Variants in NKAIN2 observed in about 807,000 individuals in gnomAD.
NKAIN2 encodes sodium/potassium-transporting ATPase subunit beta-1-interacting protein 2.
A neutral mutation model predicts 32.6 loss-of-function variants in NKAIN2; 14 were observed. The observed-to-expected ratio is 0.43, with a 90% CI of 0.28 to 0.67. NKAIN2 has a LOEUF of 0.67. Ranked by LOEUF, NKAIN2 falls within the 30% of genes least tolerant of loss-of-function variation. The pLI, the probability that NKAIN2 is intolerant of heterozygous loss-of-function variation, is 0.17. For synonymous variants in NKAIN2, 80 were observed against 87.2 expected (o/e 0.92, Z 0.46); for missense variants, 198 against 258.3 (o/e 0.77, Z 1.60).
intron 1 of NKAIN2, among the ~76,000 whole-genome samples, chr6:124,020,883 T>A (rs557246334): frequency 5.9e-4 from 90 of 152,258 alleles, no homozygotes; most frequent in African/African-American, 2.1e-3. Context: ...GATCAAGATA[T>A]CTCAATTTGT....
chr6:124,566,527 C>A (rs553027897), intron 3 of NKAIN2, among the ~76,000 whole-genome samples: 1 of 152,234 alleles, frequency 6.6e-6, no homozygotes, highest in Admixed American at 6.5e-5. Flanking sequence ...CCTTTTGACA[C>A]ACTGTTTCCT....
intron 3 of NKAIN2, among the ~76,000 whole-genome samples, chr6:124,623,963 A>G (rs1783204261): frequency 6.6e-6 from 1 of 152,130 alleles, no homozygotes; most frequent in Non-Finnish European, 1.5e-5. Context: ...TTTCCCTTTT[A>G]CAAATCTCTG....
At chr6:124,641,593 C>T (rs1783996013) in intron 3 of NKAIN2, among the ~76,000 whole-genome samples, 1 of 94,756 alleles carries the variant, frequency 1.1e-5, no homozygotes, top group South Asian at 3.6e-4. Context: ...GCTCTGTTGC[C>T]CAGGCTGGAG....
chr6:124,808,518 G>A (rs1382213208), intron 5 of NKAIN2, among the ~76,000 whole-genome samples: 1 of 152,160 alleles, frequency 6.6e-6, no homozygotes, highest in Non-Finnish European at 1.5e-5. Context: ...CAAACCCACA[G>A]CCAATATCAT....
At chr6:124,054,599 C>T (rs535278458) in intron 1 of NKAIN2, among the ~76,000 whole-genome samples, 1 of 152,034 alleles carries the variant, frequency 6.6e-6, no homozygotes, top group Non-Finnish European at 1.5e-5. Context: ...AGCTTCCTCT[C>T]TTCCCCCTCA....
chr6:124,451,362 A>C (rs1281607253), intron 3 of NKAIN2, among the ~76,000 whole-genome samples: 3 of 152,160 alleles, frequency 2.0e-5, no homozygotes, highest in African/African-American at 7.2e-5. Context: ...AAAATATAAA[A>C]TAAAATAAAA....
intron 1 of NKAIN2, among the ~76,000 whole-genome samples, chr6:124,225,785 T>A (rs1792076248): frequency 6.6e-6 from 1 of 152,068 alleles, no homozygotes; most frequent in Non-Finnish European, 1.5e-5. Flanking sequence ...TGAAGAATTT[T>A]TTGTCCAGAT....
At chr6:124,822,286 C>G (rs899564239) in intron 6 of NKAIN2, among the ~76,000 whole-genome samples, 12 of 152,136 alleles carry the variant, frequency 7.9e-5, no homozygotes, top group African/African-American at 2.9e-4. Context: ...TCTCCTATGT[C>G]TTTATCATTT....
At chr6:124,423,555 G>A (rs1774849617) in intron 3 of NKAIN2, among the ~76,000 whole-genome samples, 1 of 152,194 alleles carries the variant, frequency 6.6e-6, no homozygotes, top group African/African-American at 2.4e-5. Flanking sequence ...TGGTCTGAAT[G>A]TGGAACCCCA....
chr6:124,417,185 T>C (rs1011204478), intron 3 of NKAIN2, among the ~76,000 whole-genome samples: 2 of 152,142 alleles, frequency 1.3e-5, no homozygotes, highest in African/African-American at 4.8e-5. Flanking sequence ...AAAATATCCA[T>C]GACAAAGTGC....
At chr6:124,295,837 C>T (rs1437707395) in intron 2 of NKAIN2, among the ~76,000 whole-genome samples, 1 of 152,100 alleles carries the variant, frequency 6.6e-6, no homozygotes, top group Non-Finnish European at 1.5e-5. Flanking sequence ...ACCAACTCAA[C>T]TTCCCAATCT....
chr6:123,933,615 T>C (rs1163512254), intron 1 of NKAIN2, among the ~76,000 whole-genome samples: 2 of 152,202 alleles, frequency 1.3e-5, no homozygotes, highest in Non-Finnish European at 2.9e-5. Context: ...AAAAGTAGCG[T>C]GAGCAAGAAA....
intron 1 of NKAIN2, among the ~76,000 whole-genome samples, chr6:123,852,577 A>G (rs1775394927): frequency 6.6e-6 from 1 of 152,216 alleles, no homozygotes; most frequent in Non-Finnish European, 1.5e-5. Context: ...TTGCAGCATT[A>G]TTCACAATAG....
At chr6:124,274,632 G>A (rs1353242813) in intron 1 of NKAIN2, among the ~76,000 whole-genome samples, 1 of 151,974 alleles carries the variant, frequency 6.6e-6, no homozygotes, top group Non-Finnish European at 1.5e-5. Flanking sequence ...CCTCATCTGT[G>A]CAATAAAGAT....
chr6:124,237,559 A>C (rs1342934646), intron 1 of NKAIN2, among the ~76,000 whole-genome samples: 2 of 152,164 alleles, frequency 1.3e-5, no homozygotes, highest in African/African-American at 2.4e-5. Flanking sequence ...AACTGTACTC[A>C]AGAAGATTAG....
At chr6:124,702,389 T>C (rs1227674847) in intron 4 of NKAIN2, among the ~76,000 whole-genome samples, 2 of 152,148 alleles carry the variant, frequency 1.3e-5, no homozygotes, top group Non-Finnish European at 2.9e-5. Context: ...ATATTTATAT[T>C]GACTTGAATG....
At chr6:124,414,324 T>A (rs748186892) in intron 3 of NKAIN2, among the ~76,000 whole-genome samples, 2 of 152,196 alleles carry the variant, frequency 1.3e-5, no homozygotes, top group African/African-American at 2.4e-5. Context: ...TGAATTATAT[T>A]GACTTTTGAA....
chr6:124,196,414 G>A (rs924812734), intron 1 of NKAIN2, among the ~76,000 whole-genome samples: 1 of 152,048 alleles, frequency 6.6e-6, no homozygotes, highest in African/African-American at 2.4e-5. Flanking sequence ...GGAAAGTGAT[G>A]TTTACAGAGA....
intron 3 of NKAIN2, among the ~76,000 whole-genome samples, chr6:124,475,198 T>C (rs1389964751): frequency 3.9e-5 from 6 of 152,056 alleles, no homozygotes; most frequent in Non-Finnish European, 8.8e-5. Flanking sequence ...TCAGTTAACA[T>C]AGGCATTGAT....
Sources: allele counts gnomAD v4.1 joint callset (sites outside exome capture counted in the v4.1 genomes callset), GRCh38; gene constraint gnomAD v4.1.1; transcripts MANE v1.5; gene names NCBI Gene and HGNC (gene_info 2026-07-23, HGNC 2026-07-21).